The following IL1RAPL1 variants were observed in gnomAD, a reference collection of about 807,000 sequenced individuals.
The protein encoded by IL1RAPL1 is interleukin-1 receptor accessory protein-like 1.
IL1RAPL1 carries 3 observed loss-of-function variants against 48.4 expected under a neutral mutation model. The observed-to-expected ratio is 0.06, with a 90% CI of 0.03 to 0.16. IL1RAPL1 has a LOEUF of 0.16. Among genes scored for constraint, IL1RAPL1 ranks in the 10% least tolerant of loss-of-function variants. The pLI is 1.00. For missense variants in IL1RAPL1, 349 were observed against 530.6 expected (o/e 0.66, Z 3.36); for synonymous variants, 185 against 187.7 (o/e 0.99, Z 0.12).
intron 5 of IL1RAPL1, among the ~76,000 whole-genome samples, chrX:29,640,451 C>T (rs1340474525): frequency 8.9e-6 from 1 of 112,056 alleles, no homozygotes; most frequent in Non-Finnish European, 1.9e-5. Flanking sequence ...CTCATAGATC[C>T]GGCTGCCTAT....
At chrX:29,076,269 C>G (rs993254587) in intron 2 of IL1RAPL1, among the ~76,000 whole-genome samples, 1 of 111,758 alleles carries the variant, frequency 8.9e-6, no homozygotes, top group African/African-American at 3.2e-5. Context: ...TTATCTTCTT[C>G]TACCCTTCTA....
intron 6 of IL1RAPL1, among the ~76,000 whole-genome samples, chrX:29,780,939 C>G (rs752850822): frequency 9.0e-6 from 1 of 110,765 alleles, no homozygotes; most frequent in East Asian, 2.8e-4. Flanking sequence ...GGCATTTTAA[C>G]AAAGAGTATA....
At chrX:29,399,439 T>C in intron 5 of IL1RAPL1, 131 bp downstream of exon 5, 1 of 522,988 alleles carries the variant, frequency 1.9e-6, no homozygotes, top group Non-Finnish European at 3.2e-6. Flanking sequence ...TTCCTATAGG[T>C]GAAATTTATT....
At chrX:29,501,104 A>G (rs181117165) in intron 5 of IL1RAPL1, among the ~76,000 whole-genome samples, 2 of 111,670 alleles carry the variant, frequency 1.8e-5, no homozygotes, top group Non-Finnish European at 3.8e-5. Context: ...TCTTGTGAGG[A>G]ATGTCTATTC....
chrX:29,802,839 A>ATATATG (rs1569172916), intron 6 of IL1RAPL1, among the ~76,000 whole-genome samples: 1 of 80,269 alleles, frequency 1.2e-5, no homozygotes, highest in African/African-American at 5.5e-5. Context: ...ACATATATGT[A>ATATATG]TACATATATG....
At chrX:29,406,368 G>A (rs1290705303) in intron 5 of IL1RAPL1, among the ~76,000 whole-genome samples, 5 of 103,443 alleles carry the variant, frequency 4.8e-5, no homozygotes, top group South Asian at 4.4e-4. Context: ...CAGACTGGGC[G>A]ACAGAGCGAG....
At chrX:29,566,641 T>C (rs1008004402) in intron 5 of IL1RAPL1, among the ~76,000 whole-genome samples, 1 of 112,068 alleles carries the variant, frequency 8.9e-6, no homozygotes, top group African/African-American at 3.2e-5. Flanking sequence ...TCTGTCGAAA[T>C]ATACCTGTAT....
chrX:29,501,222 A>G (rs1225288214), intron 5 of IL1RAPL1, among the ~76,000 whole-genome samples: 2 of 111,585 alleles, frequency 1.8e-5, no homozygotes, highest in East Asian at 2.8e-4. Context: ...GGTAGTTTGC[A>G]CATATTTTCT....
intron 3 of IL1RAPL1, 102 bp from the exon 4 acceptor site, chrX:29,396,156 G>C: frequency 1.6e-6 from 1 of 634,528 alleles, no homozygotes. Context: ...TAGTTAAACA[G>C]TGAAGTTTTT....
In IL1RAPL1 at chrX:29,688,013, T is replaced by C. The variant is rs774502959; in HGVS notation, c.778+19509T>C. ...AGATCTTTTCAAGTGGAAGCTTGTA[T>C]GACAGGACACTACACTGGGGAATGA... On this transcript the variant is annotated intron_variant, in intron 6 of 10. Coordinates refer to ENST00000378993, the MANE Select transcript of IL1RAPL1 (RefSeq NM_014271.4). Among the ~76,000 whole-genome samples, 26 of 111,762 alleles carry C rather than the reference T, an allele frequency of 2.3e-4. 1 individual carries two copies. Among genetic ancestry groups the C allele is most frequent in the Admixed American group, 1.9e-3 (20 of 10,496 alleles).
chrX:28,963,095 C>T (rs1924829462), intron 2 of IL1RAPL1, among the ~76,000 whole-genome samples: 1 of 111,254 alleles, frequency 9.0e-6, no homozygotes, highest in Non-Finnish European at 1.9e-5. Flanking sequence ...ATATATTCCA[C>T]TTCTGTAATT....
intron 8 of IL1RAPL1, among the ~76,000 whole-genome samples, chrX:29,924,086 GAAT>G (rs763519998): frequency 4.5e-5 from 5 of 111,707 alleles, no homozygotes; most frequent in Non-Finnish European, 9.4e-5. Context: ...TATAAAATGG[GAAT>G]AATAATAAGA....
chrX:29,090,392 C>T (rs970952606), intron 2 of IL1RAPL1, among the ~76,000 whole-genome samples: 4 of 111,933 alleles, frequency 3.6e-5, no homozygotes, highest in East Asian at 5.6e-4. Flanking sequence ...ATCCATTAAA[C>T]GCTTTTTTCT....
intron 2 of IL1RAPL1, among the ~76,000 whole-genome samples, chrX:29,124,844 A>C (rs1019036571): frequency 8.9e-6 from 1 of 112,320 alleles, no homozygotes; most frequent in Admixed American, 9.5e-5. Flanking sequence ...AATAATAATT[A>C]GGCTAATAGG....
intron 2 of IL1RAPL1, among the ~76,000 whole-genome samples, chrX:28,849,807 T>G (rs1921612937): frequency 1.8e-5 from 2 of 112,238 alleles, no homozygotes; most frequent in Admixed American, 1.9e-4. Flanking sequence ...TCTTATATAC[T>G]GCGTATTAGA....
intron 5 of IL1RAPL1, among the ~76,000 whole-genome samples, chrX:29,596,042 G>A (rs1179196549): frequency 1.8e-5 from 2 of 111,172 alleles, no homozygotes; most frequent in Non-Finnish European, 3.8e-5. Context: ...AAAAATCTAA[G>A]TATTTGGGTG....
intron 2 of IL1RAPL1, among the ~76,000 whole-genome samples, chrX:29,255,466 T>A (rs904735995): frequency 9.1e-6 from 1 of 110,222 alleles, no homozygotes; most frequent in Non-Finnish European, 1.9e-5. Context: ...CTTAATTTTT[T>A]AATTTTAGAT....
At chrX:29,432,831 G>T (rs369409988) in intron 5 of IL1RAPL1, among the ~76,000 whole-genome samples, 2 of 111,424 alleles carry the variant, frequency 1.8e-5, no homozygotes, top group South Asian at 3.7e-4. Context: ...CTAAAATGTA[G>T]TAGCAAGCCT....
At chrX:29,158,877 AAAC>A (rs1382506410) in intron 2 of IL1RAPL1, among the ~76,000 whole-genome samples, 1 of 104,362 alleles carries the variant, frequency 9.6e-6, no homozygotes, top group Non-Finnish European at 1.9e-5. Context: ...GGTCCTGGAT[AAAC>A]AACCTCTTTC....
Sources: allele counts gnomAD v4.1 joint callset (sites outside exome capture counted in the v4.1 genomes callset), GRCh38; gene constraint gnomAD v4.1.1; transcripts MANE v1.5; gene names NCBI Gene and HGNC (gene_info 2026-07-23, HGNC 2026-07-21).